The following SEC24A variants were observed in gnomAD, a reference collection of about 807,000 sequenced individuals.
The protein encoded by SEC24A is SEC24 homolog A, COPII component.
In SEC24A, 93 loss-of-function variants were observed where a neutral mutation model predicts 129.4. That is an observed-to-expected ratio of 0.72 (90% CI 0.61 to 0.85). SEC24A has a LOEUF of 0.85. SEC24A is among the 40% of genes least tolerant of loss of function. The pLI is 0.00. For missense variants in SEC24A, 1,264 were observed against 1,307.4 expected, an observed-to-expected ratio of 0.97 and a Z score of 0.51; for synonymous variants, 460 against 467.3, an observed-to-expected ratio of 0.98 and a Z score of 0.20.
intron 1 of SEC24A, among the ~76,000 whole-genome samples, chr5:134,654,401 T>TA (rs759921034): frequency 2.7e-4 from 41 of 151,884 alleles, no homozygotes; most frequent in Non-Finnish European, 4.6e-4. Context: ...TTTGTATATT[T>TA]AGTAGAGACG....
At position 134,693,938 on chromosome 5, in the gene SEC24A, G is replaced by C. The variant is rs752218686; in HGVS notation, c.1986+5G>C. 9 of 1,612,038 alleles carry C rather than the reference G, an allele frequency of 5.6e-6. No individual in the cohort carries two copies. The South Asian group carries it at 8.8e-5, about 16-fold the overall frequency. On this transcript the variant is annotated splice_donor_5th_base_variant and intron_variant, in intron 13 of 22. Coordinates refer to ENST00000398844, the MANE Select transcript of SEC24A (RefSeq NM_021982.3). ...AACCACAGGTCATCTGCTAAGGTTA[G>C]AGAGTCATGAAATGTCTGATAAGGT...
chr5:134,653,986 A>T (rs182961802), intron 1 of SEC24A, among the ~76,000 whole-genome samples: 2 of 151,824 alleles, frequency 1.3e-5, no homozygotes, highest in Non-Finnish European at 1.5e-5. Flanking sequence ...GGAAGACCCC[A>T]TATCTATAAA....
At chr5:134,694,513 G>A (rs1751758905) in intron 13 of SEC24A, among the ~76,000 whole-genome samples, 1 of 152,144 alleles carries the variant, frequency 6.6e-6, no homozygotes, top group Non-Finnish European at 1.5e-5. Flanking sequence ...CGGGTGTGGT[G>A]GCGGGCGCTG....
rs1431359319 is a variant in SEC24A at position 134,703,941 on chromosome 5, TTTG to T, written c.2440+12_2440+14del. 3.9e-6 allele frequency: 6 copies of T among 1,533,676 alleles called. No homozygotes were observed. The highest frequency in any genetic ancestry group is 5.3e-6 in the Non-Finnish European group (6 of 1,132,536). On this transcript the variant is annotated intron_variant, in intron 16 of 22. Coordinates refer to ENST00000398844, the MANE Select transcript of SEC24A (RefSeq NM_021982.3). ...GTATACATCCAGCAAAGGTAAATTG[TTTG>T]TTTTTTTTTGGATTTCAAATGTTCA...
At chr5:134,663,682 AAAAT>A (rs1468377968) in intron 2 of SEC24A, among the ~76,000 whole-genome samples, 1 of 152,082 alleles carries the variant, frequency 6.6e-6, no homozygotes, top group Non-Finnish European at 1.5e-5. Flanking sequence ...ATTTTATTTA[AAAAT>A]AAATAAATAC....
At chr5:134,699,857 C>T (rs1220114517) in intron 15 of SEC24A, among the ~76,000 whole-genome samples, 6 of 151,810 alleles carry the variant, frequency 4.0e-5, no homozygotes, top group East Asian at 1.9e-4. Context: ...CCTGACACTA[C>T]GCCTGACTAA....
intron 15 of SEC24A, 36 bp downstream of exon 15, chr5:134,698,093 T>G: frequency 6.5e-7 from 1 of 1,546,302 alleles, no homozygotes; most frequent in Non-Finnish European, 8.8e-7. Flanking sequence ...GACTGAATAA[T>G]ATTTTTGGTT....
chr5:134,673,170 C>T (rs962424378), intron 4 of SEC24A, among the ~76,000 whole-genome samples: 1 of 151,618 alleles, frequency 6.6e-6, no homozygotes, highest in African/African-American at 2.4e-5. Context: ...ATTCTCCTGC[C>T]TCAGCTTCCC....
At position 134,723,795 on chromosome 5, in the gene SEC24A, ATACC is replaced by A. The variant is rs1223127449; in HGVS notation, c.3167+127_3167+130del. 2.3e-5 allele frequency: 14 copies of A among 616,066 alleles called. No homozygotes were observed. In the African/African-American group the frequency reaches 2.4e-4, roughly 11 times the overall value. 38.2% of individuals were successfully genotyped at this position (616,066 alleles called of 1,614,324 possible). On this transcript the variant is annotated intron_variant, in intron 22 of 22. Coordinates refer to ENST00000398844, the MANE Select transcript of SEC24A (RefSeq NM_021982.3). The stretch of plus-strand genomic sequence containing the variant: ...TCTTCTCAATAAATAGCAGTAAATC[ATACC>A]TTATATCCAATGATTGGAAATACAG...
chr5:134,652,869 G>T (rs1437341294), intron 1 of SEC24A, among the ~76,000 whole-genome samples: 1 of 151,720 alleles, frequency 6.6e-6, no homozygotes, highest in Non-Finnish European at 1.5e-5. Context: ...ATCTTGGCTC[G>T]CTGCAAGCTC....
chr5:134,715,142 T>C lies in SEC24A; in HGVS notation c.2846T>C (p.Val949Ala), dbSNP rs1752440167. ...ACAACTCATCCCAGTTTGTATAGAG[T>C]TGACAATCTCTCAGATGAGGTAAGA... ...MLTTHPSLYR[V>A]DNLSDEGALN... The change falls in exon 19 of 23, where the codon GTT (valine) becomes GCT (alanine). Residue 949 changes from valine to alanine, a missense_variant. Physicochemically the swap from Val to Ala is moderately conservative, Grantham distance 64. Transcript: ENST00000398844. 1.2e-6 allele frequency: 2 copies of C among 1,609,502 alleles called. No individual in the cohort carries two copies. Among genetic ancestry groups the C allele is most frequent in the South Asian group, 1.1e-5 (1 of 89,500 alleles).
rs936525937 is a variant in SEC24A at position 134,718,473 on chromosome 5, TGAG to T, written c.2970+305_2970+307del. Among the ~76,000 whole-genome samples the T allele has an allele frequency of 1.1e-3, 160 of 152,174 alleles. 1 individual carries two copies. Among genetic ancestry groups the T allele is most frequent in the African/African-American group, 3.8e-3 (158 of 41,534 alleles). On this transcript the variant is annotated intron_variant, in intron 20 of 22. Coordinates refer to ENST00000398844, the MANE Select transcript of SEC24A (RefSeq NM_021982.3). ...AAAAAGTTAACCTTAGGCGGGTCCT[TGAG>T]GAGGTATTCTAAAAGAAGATCTTAT...
rs576679974 is a variant in SEC24A at position 134,689,622 on chromosome 5, G to A, written c.1723+1323G>A. On this transcript the variant is annotated intron_variant, in intron 11 of 22. Coordinates refer to ENST00000398844, the MANE Select transcript of SEC24A (RefSeq NM_021982.3). ...CTAAAAATACAAAAATTAGTTGGGC[G>A]TGGTGGTGCGTACCTGTAGTCCCAG... 1.4e-3 allele frequency among the ~76,000 whole-genome samples: 218 copies of A among 152,190 alleles called. 2 individuals carry two copies. Among genetic ancestry groups the A allele is most frequent in the African/African-American group, 4.8e-3 (200 of 41,542 alleles).
At chr5:134,687,620 C>T (rs1751495714) in intron 10 of SEC24A, among the ~76,000 whole-genome samples, 1 of 152,164 alleles carries the variant, frequency 6.6e-6, no homozygotes, top group Admixed American at 6.6e-5. Context: ...ATTCTTGTTC[C>T]TGCCAGCATT....
At chr5:134,695,958 A>AG (rs1489023363) in intron 13 of SEC24A, among the ~76,000 whole-genome samples, 4 of 149,464 alleles carry the variant, frequency 2.7e-5, no homozygotes, top group South Asian at 2.1e-4. Context: ...AAAAAAAAAA[A>AG]AAAGAAAGAA....
Position 134,721,061 on chromosome 5 carries a change from C to A in SEC24A, c.3034C>A (p.Gln1012Lys). The change falls in exon 21 of 23, where the codon CAA (glutamine) becomes AAA (lysine). Residue 1012 changes from glutamine (Q) to lysine (K), a missense_variant. Physicochemically the swap from Gln to Lys is moderately conservative, Grantham distance 53 (BLOSUM62 1). Coordinates refer to ENST00000398844, the MANE Select transcript of SEC24A (RefSeq NM_021982.3). ...TTTTCTCAGCCAAGTTCTAGGAGTT[C>A]AAAACTATGCATCAATTCCACAGCC... is the stretch of plus-strand genomic sequence containing the variant. ...QNFLSQVLGV[Q>K]NYASIPQPMT... 1 of 1,610,924 alleles carries A rather than the reference C, an allele frequency of 6.2e-7. No homozygotes were observed. Among genetic ancestry groups the A allele is most frequent in the African/African-American group, 1.3e-5 (1 of 74,904 alleles).
At chr5:134,712,363 GTC>G (rs1221692834) in intron 18 of SEC24A, among the ~76,000 whole-genome samples, 2 of 151,672 alleles carry the variant, frequency 1.3e-5, no homozygotes, top group Non-Finnish European at 2.9e-5. Context: ...TGATTCTCCT[GTC>G]TCAGCCTCCA....
At chr5:134,682,601 T>C in intron 9 of SEC24A, 119 bp downstream of exon 9, 1 of 539,840 alleles carries the variant, frequency 1.9e-6, no homozygotes, top group South Asian at 2.4e-5. Context: ...AGTTTCACTC[T>C]CATTGCCCAT....
At chr5:134,682,288 C>T in intron 8 of SEC24A, 85 bp from the exon 9 acceptor site, 1 of 657,232 alleles carries the variant, frequency 1.5e-6, no homozygotes, top group Non-Finnish European at 2.6e-6. Flanking sequence ...TGTTTGTCAT[C>T]TTTTCAAGGA....
Sources: allele counts gnomAD v4.1 joint callset (sites outside exome capture counted in the v4.1 genomes callset), GRCh38; gene constraint gnomAD v4.1.1; transcripts MANE v1.5; gene names NCBI Gene and HGNC (gene_info 2026-07-23, HGNC 2026-07-21).